Variants in TBCA observed in about 807,000 individuals in gnomAD.
The protein encoded by TBCA is tubulin folding cofactor A.
In TBCA, 6 loss-of-function variants were observed where a neutral mutation model predicts 15.8. That is an observed-to-expected ratio of 0.38 (90% CI 0.21 to 0.75). The LOEUF is 0.75. TBCA is among the 30% of genes least tolerant of loss of function. The probability of loss-of-function intolerance (pLI) is 0.46; values close to 1 mark genes in which losing one functional copy is unlikely to be tolerated. For missense variants in TBCA, 90 were observed against 131.2 expected, an observed-to-expected ratio of 0.69 and a Z score of 1.53; for synonymous variants, 32 against 42.3, an observed-to-expected ratio of 0.76 and a Z score of 0.94.
chr5:77,737,815 C>A (rs1452019125), intron 1 of TBCA, among the ~76,000 whole-genome samples: 5 of 111,374 alleles, frequency 4.5e-5, no homozygotes, highest in Non-Finnish European at 7.0e-5. Context: ...AGCACTTTAA[C>A]TATCAATTTC....
chr5:77,727,239 G>GAAAAAAAAA (rs35477479), intron 1 of TBCA, among the ~76,000 whole-genome samples: 1 of 81,018 alleles, frequency 1.2e-5, no homozygotes. Flanking sequence ...TCTGTCTCAG[G>GAAAAAAAAA]AAAAAAAAAA....
At chr5:77,775,500 G>A (rs1747999472) in intron 1 of TBCA, among the ~76,000 whole-genome samples, 1 of 152,190 alleles carries the variant, frequency 6.6e-6, no homozygotes, top group Admixed American at 6.5e-5. Flanking sequence ...ACCTCCTGAG[G>A]CTGTGTCATG....
intron 1 of TBCA, among the ~76,000 whole-genome samples, chr5:77,771,245 C>T (rs1747903993): frequency 6.6e-6 from 1 of 151,814 alleles, no homozygotes; most frequent in Admixed American, 6.6e-5. Flanking sequence ...CAAAATATCA[C>T]AGGGTACCCT....
At chr5:77,762,309 T>C (rs1399739033) in intron 1 of TBCA, among the ~76,000 whole-genome samples, 2 of 152,232 alleles carry the variant, frequency 1.3e-5, no homozygotes, top group Non-Finnish European at 1.5e-5. Context: ...CTAATTCTAC[T>C]TAATGTAATA....
At chr5:77,751,409 C>A (rs549425778) in intron 1 of TBCA, among the ~76,000 whole-genome samples, 1 of 152,066 alleles carries the variant, frequency 6.6e-6, no homozygotes, top group East Asian at 1.9e-4. Context: ...GAAATCCTGA[C>A]CTCAGGCGAT....
At chr5:77,698,230 C>T (rs1395951333) in intron 2 of TBCA, among the ~76,000 whole-genome samples, 1 of 149,398 alleles carries the variant, frequency 6.7e-6, no homozygotes, top group Admixed American at 6.7e-5. Flanking sequence ...AGTGAAAGGG[C>T]ACAAGTCACC....
chr5:77,730,817 T>A (rs781279798), intron 1 of TBCA, among the ~76,000 whole-genome samples: 1 of 152,146 alleles, frequency 6.6e-6, no homozygotes, highest in African/African-American at 2.4e-5. Flanking sequence ...CTCATGATAA[T>A]TTTGGTCTAG....
intron 1 of TBCA, among the ~76,000 whole-genome samples, chr5:77,756,995 A>G (rs185838623): frequency 1.3e-5 from 2 of 152,332 alleles, no homozygotes; most frequent in East Asian, 3.9e-4. Flanking sequence ...AAAAGTAATG[A>G]AAGAACAATT....
chr5:77,696,068 A>C (rs1745865105), intron 2 of TBCA, among the ~76,000 whole-genome samples: 1 of 152,198 alleles, frequency 6.6e-6, no homozygotes, highest in African/African-American at 2.4e-5. Context: ...TTTTTGTCAG[A>C]AAGAAGAGTT....
chr5:77,726,668 C>T (rs1262369116), intron 1 of TBCA, among the ~76,000 whole-genome samples: 1 of 151,784 alleles, frequency 6.6e-6, no homozygotes, highest in Non-Finnish European at 1.5e-5. Context: ...TTCTTCACTT[C>T]CCCAGCTTCC....
chr5:77,767,935 G>A (rs1199174286), intron 1 of TBCA, among the ~76,000 whole-genome samples: 1 of 152,188 alleles, frequency 6.6e-6, no homozygotes, highest in Non-Finnish European at 1.5e-5. Context: ...AGGTGATTAG[G>A]TAATGAGGTC....
rs908735405 is a variant in TBCA, at chr5:77,693,039, A to T, written c.246+227T>A. ...TAACTTAAATAAATTTAACTAGCTA[A>T]ATTTTAATAAACTGAACAAACATGC... On this transcript the variant is annotated intron_variant, in intron 3 of 3. Coordinates refer to ENST00000380377, the MANE Select transcript of TBCA (RefSeq NM_004607.3). 3.9e-5 allele frequency: 56 copies of T among 1,427,132 alleles called. No individual in the cohort carries two copies. The African/African-American group carries it at 7.5e-4, about 19-fold the overall frequency. 88.4% of individuals were successfully genotyped at this position (1,427,132 alleles called of 1,614,324 possible).
chr5:77,720,998 C>T (rs1204007626), intron 1 of TBCA, among the ~76,000 whole-genome samples: 1 of 152,130 alleles, frequency 6.6e-6, no homozygotes, highest in East Asian at 1.9e-4. Flanking sequence ...TTGTCTAAAA[C>T]AGACAGATGA....
intron 2 of TBCA, among the ~76,000 whole-genome samples, chr5:77,693,799 C>CAAAAAAAAAA (rs70991303): frequency 1.3e-5 from 1 of 77,960 alleles, no homozygotes; most frequent in African/African-American, 4.4e-5. Context: ...AACTCCATCT[C>CAAAAAAAAAA]AAAAAAAAAA....
At chr5:77,708,182 A>G (rs1746191140) in intron 2 of TBCA, 60 bp downstream of exon 2, 2 of 1,177,966 alleles carry the variant, frequency 1.7e-6, no homozygotes, top group Non-Finnish European at 1.2e-6. Flanking sequence ...TGTAAAAACT[A>G]CATTAGTTAA....
At chr5:77,773,335 C>T (rs936842831) in intron 1 of TBCA, among the ~76,000 whole-genome samples, 1 of 98,194 alleles carries the variant, frequency 1.0e-5, no homozygotes, top group Non-Finnish European at 2.2e-5. Context: ...TGACTTTAGA[C>T]AAGTTTTTTT....
chr5:77,749,559 AT>A (rs1385057653), intron 1 of TBCA, among the ~76,000 whole-genome samples: 1 of 152,220 alleles, frequency 6.6e-6, no homozygotes, highest in Non-Finnish European at 1.5e-5. Flanking sequence ...CAGTGTAATT[AT>A]TTCCAGACCA....
At position 77,758,189 on chromosome 5, in the gene TBCA, T is replaced by G. The variant is rs868139153; in HGVS notation, c.53+18016A>C. ...AGAGACCCTCTCATATTGTTTTATATTGTTTTATACTCAGTACCTGTTTTA... is the reference window on the plus strand; with the variant it reads ...AGAGACCCTCTCATATTGTTTTATAGTGTTTTATACTCAGTACCTGTTTTA... On this transcript the variant is annotated intron_variant, in intron 1 of 3. Coordinates refer to ENST00000380377, the MANE Select transcript of TBCA (RefSeq NM_004607.3). Among the ~76,000 whole-genome samples the G allele has an allele frequency of 2.0e-5, 3 of 151,854 alleles. No homozygotes were observed. In the South Asian group the frequency reaches 6.2e-4, roughly 31 times the overall value.
chr5:77,712,606 AT>A (rs1034405061), intron 1 of TBCA, among the ~76,000 whole-genome samples: 7 of 152,318 alleles, frequency 4.6e-5, no homozygotes, highest in African/African-American at 1.7e-4. Flanking sequence ...ATCACTCATA[AT>A]CACTACAGAT....
Sources: gnomAD v4.1 joint callset for allele counts (sites outside exome capture counted in the v4.1 genomes callset) on GRCh38, gnomAD v4.1.1 for gene constraint, MANE v1.5 for transcripts, NCBI Gene and HGNC (gene_info 2026-07-23, HGNC 2026-07-21) for gene names.